Variants in FAM114A1 observed in about 807,000 individuals in gnomAD.
The protein encoded by FAM114A1 is family with sequence similarity 114 member A1.
Under a neutral mutation model 64.3 loss-of-function variants are expected in FAM114A1, and 62 were observed. The observed-to-expected ratio is 0.96, with a 90% CI of 0.79 to 1.19. The LOEUF (loss-of-function observed/expected upper bound fraction) is 1.19. Among genes scored for constraint, FAM114A1 ranks in the 50% most tolerant of loss-of-function variants. The pLI, the probability that FAM114A1 is intolerant of heterozygous loss-of-function variation, is 0.00. For synonymous variants in FAM114A1, 254 were observed against 251.1 expected, an observed-to-expected ratio of 1.01 and a Z score of -0.11; for missense variants, 645 against 676.3, an observed-to-expected ratio of 0.95 and a Z score of 0.51.
chr4:38,906,649 C>T (rs1718038437), intron 6 of FAM114A1, among the ~76,000 whole-genome samples: 1 of 152,162 alleles, frequency 6.6e-6, no homozygotes, highest in Admixed American at 6.5e-5. Flanking sequence ...ATTCTCCCAC[C>T]TCAGCCTCCC....
At chr4:38,925,118 A>G (rs1393169302) in intron 9 of FAM114A1, among the ~76,000 whole-genome samples, 8 of 152,200 alleles carry the variant, frequency 5.3e-5, no homozygotes, top group Non-Finnish European at 1.2e-4. Flanking sequence ...ACATTCACAT[A>G]TACACATAGA....
At chr4:38,925,683 A>T (rs1720037479) in intron 9 of FAM114A1, among the ~76,000 whole-genome samples, 1 of 152,216 alleles carries the variant, frequency 6.6e-6, no homozygotes, top group South Asian at 2.1e-4. Flanking sequence ...ATTTTATCAC[A>T]CTGCCATAGA....
Position 38,929,808 on chromosome 4 carries a change from T to C in FAM114A1, c.1161+475T>C, listed in dbSNP as rs74719101. 1.5e-3 allele frequency among the ~76,000 whole-genome samples: 224 copies of C among 152,188 alleles called. 1 individual carries two copies. Among genetic ancestry groups the C allele is most frequent in the Non-Finnish European group, 1.9e-3 (131 of 67,966 alleles). ...TAAAAAAAGGAAAAAACGAAAAGAT[T>C]TGAGGAGGCAACATAATGGAATGTG... is the stretch of plus-strand genomic sequence containing the variant. On this transcript the variant is annotated intron_variant, in intron 10 of 14. Transcript: ENST00000358869.
At chr4:38,936,289 T>C (rs935417311) in intron 13 of FAM114A1, among the ~76,000 whole-genome samples, 1 of 151,546 alleles carries the variant, frequency 6.6e-6, no homozygotes, top group African/African-American at 2.4e-5. Flanking sequence ...AGAGACAGGG[T>C]TTCACCGTGT....
At chr4:38,890,480 T>C (rs1369667900) in intron 3 of FAM114A1, among the ~76,000 whole-genome samples, 1 of 152,034 alleles carries the variant, frequency 6.6e-6, no homozygotes, top group Non-Finnish European at 1.5e-5. Flanking sequence ...TCAAAAGTTA[T>C]GGAATCTACA....
intron 13 of FAM114A1, 68 bp from the exon 14 acceptor site, chr4:38,940,900 A>G: frequency 6.6e-7 from 1 of 1,510,422 alleles, no homozygotes; most frequent in Non-Finnish European, 9.2e-7. Context: ...CTAGTGTATT[A>G]CATTTTACGT....
At chr4:38,918,238 A>C (rs1719263442) in intron 8 of FAM114A1, among the ~76,000 whole-genome samples, 1 of 152,148 alleles carries the variant, frequency 6.6e-6, no homozygotes, top group Non-Finnish European at 1.5e-5. Context: ...AAACATAATA[A>C]ATAAATAAAC....
intron 3 of FAM114A1, among the ~76,000 whole-genome samples, chr4:38,883,806 C>T (rs1319484669): frequency 6.6e-6 from 1 of 152,220 alleles, no homozygotes; most frequent in Non-Finnish European, 1.5e-5. Flanking sequence ...GAGTTCCCTA[C>T]TGCCTACGTT....
chr4:38,920,244 A>C (rs1382732886), intron 8 of FAM114A1, among the ~76,000 whole-genome samples: 2 of 151,952 alleles, frequency 1.3e-5, no homozygotes, highest in Non-Finnish European at 2.9e-5. Flanking sequence ...CATTTTCATC[A>C]CCATTATACT....
intron 3 of FAM114A1, among the ~76,000 whole-genome samples, chr4:38,891,103 C>G (rs1716327943): frequency 6.6e-6 from 1 of 152,180 alleles, no homozygotes. Flanking sequence ...GTTCCAATTC[C>G]AAAAACCTAG....
At chr4:38,926,117 T>C (rs1028713387) in intron 9 of FAM114A1, among the ~76,000 whole-genome samples, 6 of 152,234 alleles carry the variant, frequency 3.9e-5, no homozygotes, top group Non-Finnish European at 8.8e-5. Flanking sequence ...AAAGAGGATA[T>C]GAGTGGGTTT....
intron 14 of FAM114A1, among the ~76,000 whole-genome samples, chr4:38,942,872 TACCCTGGGCCAAGAAAGTACACAC>T (rs33955896): frequency 0.16 from 23,788 of 152,006 alleles, 2,025 homozygotes; most frequent in South Asian, 0.25. Flanking sequence ...AGACAGGACA[TACCCTGGGCCAAGAAAGTACACAC>T]ACTGATGGAT....
intron 6 of FAM114A1, among the ~76,000 whole-genome samples, chr4:38,906,959 C>A (rs1718067544): frequency 6.6e-6 from 1 of 152,184 alleles, no homozygotes; most frequent in Non-Finnish European, 1.5e-5. Flanking sequence ...GTTCCAGTAT[C>A]TATGCTAGAT....
At chr4:38,910,373 G>A (rs1340982127) in intron 7 of FAM114A1, among the ~76,000 whole-genome samples, 1 of 152,196 alleles carries the variant, frequency 6.6e-6, no homozygotes, top group Non-Finnish European at 1.5e-5. Context: ...CTCTCACAAA[G>A]TGCAGCATGA....
intron 8 of FAM114A1, among the ~76,000 whole-genome samples, chr4:38,917,489 A>G (rs1240433686): frequency 6.6e-6 from 1 of 152,246 alleles, no homozygotes; most frequent in Non-Finnish European, 1.5e-5. Flanking sequence ...GAATTAAATG[A>G]GATAATCCAT....
intron 2 of FAM114A1, among the ~76,000 whole-genome samples, chr4:38,874,831 ATCTTGAGTTTATTT>A (rs1714453665): frequency 1.3e-5 from 2 of 152,236 alleles, no homozygotes; most frequent in Admixed American, 1.3e-4. Flanking sequence ...TCTTTAGTCC[ATCTTGAGTTTATTT>A]TTGTATATGG....
intron 2 of FAM114A1, among the ~76,000 whole-genome samples, chr4:38,874,897 G>A (rs967997169): frequency 6.6e-6 from 1 of 152,186 alleles, no homozygotes; most frequent in African/African-American, 2.4e-5. Context: ...CATATGGCTG[G>A]CCAGTTATCC....
chr4:38,905,986 GT>G (rs372618216), intron 6 of FAM114A1, 125 bp downstream of exon 6: 837 of 649,692 alleles, frequency 1.3e-3, no homozygotes, highest in Middle Eastern at 2.3e-3. Context: ...TTGGATTATG[GT>G]TTTTTTTTTA....
intron 7 of FAM114A1, chr4:38,914,644 A>G: frequency 3.1e-6 from 1 of 319,546 alleles, no homozygotes. Context: ...AACCACTGTT[A>G]AAGCTTTTGG....
Sources: gnomAD v4.1 joint callset for allele counts (sites outside exome capture counted in the v4.1 genomes callset) on GRCh38, gnomAD v4.1.1 for gene constraint, MANE v1.5 for transcripts, NCBI Gene and HGNC (gene_info 2026-07-23, HGNC 2026-07-21) for gene names.